The following DPH2 variants were observed in gnomAD, a reference collection of about 807,000 sequenced individuals.
The protein encoded by DPH2 is 2-(3-amino-3-carboxypropyl)histidine synthase subunit 2.
In DPH2, 28 loss-of-function variants were observed where a neutral mutation model predicts 42.5. The ratio of observed to expected loss-of-function variants is 0.66; its 90% CI spans 0.49 to 0.90. DPH2 has a LOEUF of 0.90. Among genes scored for constraint, DPH2 ranks in the 40% least tolerant of loss-of-function variants. The pLI is 0.00. For synonymous variants in DPH2, 279 were observed against 264.4 expected, an observed-to-expected ratio of 1.06 and a Z score of -0.53; for missense variants, 576 against 636.0, an observed-to-expected ratio of 0.91 and a Z score of 1.01.
Position 43,973,363 on chromosome 1 carries a change from C to T in DPH2, c.*824C>T, listed in dbSNP as rs2154302850. On this transcript the variant is annotated 3_prime_UTR_variant, in exon 6 of 6. Transcript: ENST00000255108. ...CACAGCAACCTAAATAAACCAGATA[C>T]CTTTTCTCTTTGTGTTTCTTTTTAA... The T allele has an allele frequency of 6.6e-6, 1 of 152,360 alleles. No homozygotes were observed. Among genetic ancestry groups the T allele is most frequent in the South Asian group, 2.1e-4 (1 of 4,824 alleles). The allele number at this position is 152,360 out of a possible 1,614,324, so 9.4% of individuals were successfully genotyped here.
rs753670741 is a variant in DPH2, at chr1:43,970,609, TC to T, written c.164del (p.Pro55LeufsTer57). 1.9e-6 allele frequency: 3 copies of T among 1,614,000 alleles called. No homozygotes were observed. The highest frequency in any genetic ancestry group is 2.5e-6 in the Non-Finnish European group (3 of 1,180,020). ...TTATGCTTATAGGTTGCCTTGCAGT[TC>T]CCTGACCAGCTATTGGGAGATGCTG... ...DLGCERVALQ[F>X]PDQLLGDAVA... On this transcript the variant is annotated frameshift_variant, in exon 2 of 6. Coordinates refer to ENST00000255108, the MANE Select transcript of DPH2 (RefSeq NM_001384.5). LOFTEE classifies it high-confidence loss of function.
Position 43,972,557 on chromosome 1 carries a change from G to T in DPH2, c.*18G>T, listed in dbSNP as rs778023883. 6.2e-7 allele frequency: 1 copy of T among 1,613,986 alleles called. No homozygotes were observed. The highest frequency in any genetic ancestry group is 8.5e-7 in the Non-Finnish European group (1 of 1,179,916). On this transcript the variant is annotated 3_prime_UTR_variant, in exon 6 of 6. Transcript: ENST00000255108. The stretch of plus-strand genomic sequence containing the variant: ...GCGGCTGATACCATGTGGGGCTGGA[G>T]ACATAGATGGACTTATGAATGGCTG...
At position 43,971,100 on chromosome 1, in the gene DPH2, AGCTCTGTGTCAAG is replaced by A. The variant is rs758302787; in HGVS notation, c.398_410del (p.Leu133ProfsTer16). On this transcript the variant is annotated frameshift_variant, in exon 3 of 6. Transcript: ENST00000255108. LOFTEE classifies it high-confidence loss of function. ...CTTCGTCAACGTTCTGTGGCCTTGG[AGCTCTGTGTCAAG>A]GCCTTTGAGGCCCAGAACCCAGACC... 14 of 1,560,018 alleles carry A rather than the reference AGCTCTGTGTCAAG, an allele frequency of 9.0e-6. No individual in the cohort carries two copies. The highest frequency in any genetic ancestry group is 5.4e-5 in the African/African-American group (4 of 73,700).
At chr1:43,971,343 G>A (rs2085417354) in intron 3 of DPH2, 44 bp from the exon 4 acceptor site, 4 of 1,541,082 alleles carry the variant, frequency 2.6e-6, no homozygotes, top group Non-Finnish European at 2.6e-6. Flanking sequence ...GGGAGCTCCT[G>A]CTTTGCCAGG....
chr1:43,972,104 C>G, intron 4 of DPH2, 34 bp downstream of exon 4: 1 of 1,609,294 alleles, frequency 6.2e-7, no homozygotes, highest in Middle Eastern at 1.7e-4. Context: ...AGCTGGAAAC[C>G]TGGGGCACGG....
chr1:43,971,888 A>G lies in DPH2; in HGVS notation c.986A>G (p.Asn329Ser), dbSNP rs763379306. Reference sequence around the variant, plus strand: ...CGGCCCACCCCTGCCAAGCTTGCCAACTTCCCTGAGGTGGATGTCTTTGTG... The same window carrying G: ...CGGCCCACCCCTGCCAAGCTTGCCAGCTTCCCTGAGGTGGATGTCTTTGTG... ...LGRPTPAKLA[N>S]FPEVDVFVLL... The change falls in exon 4 of 6, where the codon AAC becomes AGC. Residue 329 changes from asparagine (N) to serine (S), a missense_variant. Coordinates refer to ENST00000255108, the MANE Select transcript of DPH2 (RefSeq NM_001384.5). 3.0e-5 allele frequency: 48 copies of G among 1,614,088 alleles called. No homozygotes were observed. Among genetic ancestry groups the G allele is most frequent in the Admixed American group, 2.2e-4 (13 of 60,010 alleles).
At chr1:43,970,517 G>A in intron 1 of DPH2, 79 bp from the exon 2 acceptor site, 1 of 1,553,480 alleles carries the variant, frequency 6.4e-7, no homozygotes. Context: ...AAGGTTGAGT[G>A]GGAGCTCCTG....
In DPH2 at chr1:43,970,233, C is replaced by G. The variant is rs148793639; in HGVS notation, c.58C>G (p.Pro20Ala). The G allele has an allele frequency of 3.5e-5, 57 of 1,614,106 alleles. No individual in the cohort carries two copies. Among genetic ancestry groups the G allele is most frequent in the Non-Finnish European group, 4.7e-5 (56 of 1,180,046 alleles). ...EAALQRETGV[P>A]GLLTPLPDLD... Reference sequence around the variant, plus strand: ...GGCGCTGCAGCGAGAGACCGGGGTGCCAGGACTGCTTACTCCTCTTCCGGA... The same window carrying G: ...GGCGCTGCAGCGAGAGACCGGGGTGGCAGGACTGCTTACTCCTCTTCCGGA... Residue 20 changes from proline to alanine, a missense_variant, in exon 1 of 6, where the codon CCA becomes GCA. Coordinates refer to ENST00000255108, the MANE Select transcript of DPH2 (RefSeq NM_001384.5).
Position 43,971,680 on chromosome 1 carries a change from G to C in DPH2, c.778G>C (p.Glu260Gln). 1 of 1,613,996 alleles carries C rather than the reference G, an allele frequency of 6.2e-7. No individual in the cohort carries two copies. Among genetic ancestry groups the C allele is most frequent in the Non-Finnish European group, 8.5e-7 (1 of 1,180,022 alleles). Residue 260 changes from glutamate (E) to glutamine (Q), a missense_variant, in exon 4 of 6, where the codon GAG (glutamate) becomes CAG (glutamine). Coordinates refer to ENST00000255108, the MANE Select transcript of DPH2 (RefSeq NM_001384.5). The part of the protein sequence containing the change: ...CCPDTGKTQD[E>Q]GARAGRLRAR... ...TCCAGATACAGGGAAGACTCAGGATGAGGGTGCCCGGGCTGGACGGCTAAG... is the reference window on the plus strand; with the variant it reads ...TCCAGATACAGGGAAGACTCAGGATCAGGGTGCCCGGGCTGGACGGCTAAG...
Position 43,970,660 on chromosome 1 carries a change from A to T in DPH2, c.212A>T (p.Glu71Val). The T allele has an allele frequency of 1.2e-6, 2 of 1,614,178 alleles. No homozygotes were observed. The highest frequency in any genetic ancestry group is 1.7e-6 in the Non-Finnish European group (2 of 1,180,032). The change falls in exon 2 of 6, where the codon GAG becomes GTG. Residue 71 changes from glutamate to valine, a missense_variant. Coordinates refer to ENST00000255108, the MANE Select transcript of DPH2 (RefSeq NM_001384.5). ...GTGGCTGTGGCTGCACGACTGGAGGAGACGACAGGGTCAAAGATGTTCATT... is the reference window on the plus strand; with the variant it reads ...GTGGCTGTGGCTGCACGACTGGAGGTGACGACAGGGTCAAAGATGTTCATT... The part of the protein sequence containing the change: ...DAVAVAARLE[E>V]TTGSKMFILG...
At chr1:43,970,472 T>A in intron 1 of DPH2, 124 bp from the exon 2 acceptor site, 1 of 1,507,806 alleles carries the variant, frequency 6.6e-7, no homozygotes, top group Non-Finnish European at 9.1e-7. Context: ...ACCTACTACG[T>A]GGGGCAGAGT....
Position 43,972,183 on chromosome 1 carries a change from AC to A in DPH2, c.1196del (p.Pro399HisfsTer36). On this transcript the variant is annotated frameshift_variant, in exon 5 of 6. Coordinates refer to ENST00000255108, the MANE Select transcript of DPH2 (RefSeq NM_001384.5). LOFTEE classifies it high-confidence loss of function. ...PGSPFHVALPPPESELWETPD... is the reference protein window; with the variant it reads ...PGSPFHVALPXPESELWETPD... ...GCTCTCCCTTCCACGTGGCTCTCCC[AC>A]CACCTGAGTCAGAGCTGTGGGAAAC... 6.2e-7 allele frequency: 1 copy of A among 1,613,932 alleles called. No individual in the cohort carries two copies.
At position 43,970,993 on chromosome 1, in the gene DPH2, G is replaced by A. The variant is rs1395693467; in HGVS notation, c.288G>A (p.Glu96=). 2 of 1,582,412 alleles carry A rather than the reference G, an allele frequency of 1.3e-6. No homozygotes were observed. The highest frequency in any genetic ancestry group is 1.8e-5 in the Admixed American group (1 of 54,614). The part of the protein sequence containing the change: ...GSCCVDVLGA[E]QAGAQALIHF... Reference sequence around the variant, plus strand: ...GCTGCGTGGATGTGCTGGGTGCTGAGCAAGCTGGAGCTCAGGCTCTCATAC... The same window carrying A: ...GCTGCGTGGATGTGCTGGGTGCTGAACAAGCTGGAGCTCAGGCTCTCATAC... The change falls in exon 3 of 6, where the codon GAG becomes GAA. Residue 96 remains glutamate (E), a synonymous_variant. Transcript: ENST00000255108.
chr1:43,970,433 C>A, intron 1 of DPH2, 111 bp downstream of exon 1: 1 of 1,543,710 alleles, frequency 6.5e-7, no homozygotes, highest in Non-Finnish European at 8.8e-7. Flanking sequence ...ATCAGTCTGT[C>A]CGCAGCGCGT....
rs753965717 is a variant in DPH2 at position 43,972,564 on chromosome 1, A to G, written c.*25A>G. ...ATACCATGTGGGGCTGGAGACATAG[A>G]TGGACTTATGAATGGCTGCTAGGAC... On this transcript the variant is annotated 3_prime_UTR_variant, in exon 6 of 6. Coordinates refer to ENST00000255108, the MANE Select transcript of DPH2 (RefSeq NM_001384.5). 1.2e-6 allele frequency: 2 copies of G among 1,613,694 alleles called. No homozygotes were observed. Among genetic ancestry groups the G allele is most frequent in the South Asian group, 2.2e-5 (2 of 91,028 alleles).
rs1001869623 is a variant in DPH2 at position 43,970,451 on chromosome 1, C to T, written c.147+129C>T. The T allele has an allele frequency of 3.3e-6, 5 of 1,523,632 alleles. No individual in the cohort carries two copies. In the African/African-American group the frequency reaches 4.1e-5, roughly 13 times the overall value. 94.4% of individuals were successfully genotyped at this position (1,523,632 alleles called of 1,614,324 possible). The stretch of plus-strand genomic sequence containing the variant: ...AGTCTGTCCGCAGCGCGTTGACCAT[C>T]CCTCCCTTCCACCTACTACGTGGGG... On this transcript the variant is annotated intron_variant, in intron 1 of 5. Coordinates refer to ENST00000255108, the MANE Select transcript of DPH2 (RefSeq NM_001384.5).
At position 43,972,729 on chromosome 1, in the gene DPH2, C is replaced by A; in HGVS notation, c.*190C>A. 1.4e-6 allele frequency: 1 copy of A among 720,014 alleles called. No homozygotes were observed. Among genetic ancestry groups the A allele is most frequent in the Non-Finnish European group, 2.2e-6 (1 of 448,538 alleles). The allele number at this position is 720,014 out of a possible 1,614,324, so 44.6% of individuals were successfully genotyped here. Reference sequence around the variant, plus strand: ...GGCACTGGCACAAGCTCAGCACATGCCCAGTAATGCGTGTTGTTTGGCTGA... The same window carrying A: ...GGCACTGGCACAAGCTCAGCACATGACCAGTAATGCGTGTTGTTTGGCTGA... On this transcript the variant is annotated 3_prime_UTR_variant, in exon 6 of 6. Transcript: ENST00000255108.
Position 43,970,109 on chromosome 1 carries a change from G to C in DPH2, c.-67G>C. The C allele has an allele frequency of 6.3e-7, 1 of 1,580,074 alleles. No individual in the cohort carries two copies. Among genetic ancestry groups the C allele is most frequent in the Non-Finnish European group, 8.6e-7 (1 of 1,163,590 alleles). ...TTTTGACCCCCTGAGGGCTGCTCTA[G>C]AGGACTCAGGCCCCGAAGCTGTCCC... On this transcript the variant is annotated 5_prime_UTR_variant, in exon 1 of 6. Transcript: ENST00000255108.
rs1458061700 is a variant in DPH2, at chr1:43,970,021, T to TGGCTGAAGGGGATACTCACC, written c.-145_-126dup. 3.6e-4 allele frequency: 302 copies of TGGCTGAAGGGGATACTCACC among 832,438 alleles called. No homozygotes were observed. The highest frequency in any genetic ancestry group is 5.1e-4 in the Non-Finnish European group (282 of 552,188). The allele number at this position is 832,438 out of a possible 1,614,324, so 51.6% of individuals were successfully genotyped here. A position where few individuals can be genotyped will look rare whatever the true frequency, so the allele number is the denominator to read the frequency against. On this transcript the variant is annotated 5_prime_UTR_variant, in exon 1 of 6. An upstream open reading frame in the 5' UTR gains an earlier in-frame stop. Transcript: ENST00000255108. ...TGTAGCGGAGAAACAGTAGTTAGGA[T>TGGCTGAAGGGGATACTCACC]GGCTGAAGGGGATACTCACCGGCTG...
Sources: allele counts gnomAD v4.1 joint callset, GRCh38; gene constraint gnomAD v4.1.1; transcripts MANE v1.5; gene names NCBI Gene and HGNC (gene_info 2026-07-23, HGNC 2026-07-21).